The following FXYD7 variants were observed in gnomAD, a reference collection of about 807,000 sequenced individuals.
FXYD7 encodes the protein FXYD domain containing ion transport regulator 7.
FXYD7 carries 7 observed loss-of-function variants against 15.3 expected under a neutral mutation model. The ratio of observed to expected loss-of-function variants is 0.46; its 90% confidence interval spans 0.26 to 0.86. The LOEUF is 0.86. FXYD7 is among the 40% of genes least tolerant of loss of function. The pLI is 0.16. For missense variants in FXYD7, 78 were observed against 100.6 expected (o/e 0.78, Z 0.96); for synonymous variants, 39 against 39.3 (o/e 0.99, Z 0.03).
At chr19:35,151,525 G>A in intron 4 of FXYD7, 43 bp downstream of exon 4, 1 of 1,603,306 alleles carries the variant, frequency 6.2e-7, no homozygotes, top group Non-Finnish European at 8.5e-7. Flanking sequence ...GCCTCGGGGT[G>A]CCTCCCTAGC....
intron 5 of FXYD7, among the ~76,000 whole-genome samples, chr19:35,152,807 G>T (rs2065316772): frequency 6.6e-6 from 1 of 151,808 alleles, no homozygotes; most frequent in Admixed American, 6.6e-5. Flanking sequence ...ACGAAAGACT[G>T]ATCTCTTTGA....
chr19:35,147,269 T>G (rs1193891515), intron 1 of FXYD7, among the ~76,000 whole-genome samples: 2 of 152,156 alleles, frequency 1.3e-5, no homozygotes, highest in Non-Finnish European at 2.9e-5. Context: ...CAGGGAGCCA[T>G]CCATCTGAGC....
chr19:35,152,134 C>CAAAAAAAAAAAG (rs1484233774), intron 5 of FXYD7, among the ~76,000 whole-genome samples: 1 of 45,138 alleles, frequency 2.2e-5, no homozygotes, highest in African/African-American at 8.7e-5. Flanking sequence ...GTGAGACTGT[C>CAAAAAAAAAAAG]AAAAAAAAAA....
intron 2 of FXYD7, among the ~76,000 whole-genome samples, chr19:35,149,927 T>TC (rs2065303653): frequency 6.6e-6 from 1 of 152,132 alleles, no homozygotes; most frequent in Non-Finnish European, 1.5e-5. Context: ...GATTTTTTTT[T>TC]CTTTTTTTAG....
In FXYD7 at chr19:35,153,035, T is replaced by TTG. The variant is rs1284253076; in HGVS notation, c.221-858_221-857insGT. ...GGTGTGGAATTTGTTTCACGTTCCT[T>TTG]TTTTTTTTTTTTTTTTTTTTTTTTT... On this transcript the variant is annotated intron_variant, in intron 5 of 5. Coordinates refer to ENST00000270310, the MANE Select transcript of FXYD7 (RefSeq NM_022006.2). Among the ~76,000 whole-genome samples the TTG allele has an allele frequency of 8.7e-4, 77 of 88,042 alleles. 13 individuals are homozygous for TTG. The highest frequency in any genetic ancestry group is 4.6e-3 in the African/African-American group (68 of 14,636). The allele number at this position is 88,042 out of a possible 152,430, so 57.8% of individuals were successfully genotyped here.
intron 5 of FXYD7, among the ~76,000 whole-genome samples, chr19:35,153,417 G>A (rs1030872166): frequency 1.3e-5 from 2 of 152,150 alleles, no homozygotes; most frequent in Non-Finnish European, 2.9e-5. Context: ...TGGATGCGTG[G>A]GGCAGCATGG....
At chr19:35,144,094 G>A (rs375722932) in intron 1 of FXYD7, among the ~76,000 whole-genome samples, 4 of 152,168 alleles carry the variant, frequency 2.6e-5, no homozygotes, top group African/African-American at 9.6e-5. Flanking sequence ...GTGGGATTGA[G>A]ACCGCTATGG....
Position 35,151,734 on chromosome 19 carries a change from T to G in FXYD7, c.220+61T>G, listed in dbSNP as rs2065311018. Reference sequence around the variant, plus strand: ...TTAGGTGGGGCAGGGAAGGGAACCCTCAGAAGGGAAGTCGCGGGGATGGAC... The same window carrying G: ...TTAGGTGGGGCAGGGAAGGGAACCCGCAGAAGGGAAGTCGCGGGGATGGAC... On this transcript the variant is annotated intron_variant, in intron 5 of 5. Coordinates refer to ENST00000270310, the MANE Select transcript of FXYD7 (RefSeq NM_022006.2). 8.4e-6 allele frequency: 8 copies of G among 947,062 alleles called. No homozygotes were observed. The South Asian group carries it at 8.9e-5, about 11-fold the overall frequency. The allele number at this position is 947,062 out of a possible 1,614,324, so 58.7% of individuals were successfully genotyped here.
At position 35,153,033 on chromosome 19, in the gene FXYD7, C is replaced by CTTTT. The variant is rs954084904; in HGVS notation, c.221-835_221-832dup. 3.1e-3 allele frequency among the ~76,000 whole-genome samples: 135 copies of CTTTT among 44,140 alleles called. 21 individuals carry two copies. The highest frequency in any genetic ancestry group is 7.0e-3 in the African/African-American group (67 of 9,634). 29.0% of individuals were successfully genotyped at this position (44,140 alleles called of 152,430 possible). On this transcript the variant is annotated intron_variant, in intron 5 of 5. Transcript: ENST00000270310. Reference sequence around the variant, plus strand: ...TTGGTGTGGAATTTGTTTCACGTTCCTTTTTTTTTTTTTTTTTTTTTTTTT... The same window carrying CTTTT: ...TTGGTGTGGAATTTGTTTCACGTTCCTTTTTTTTTTTTTTTTTTTTTTTTTTTTT...
Position 35,143,405 on chromosome 19 carries a change from G to A in FXYD7, c.31+41G>A. On this transcript the variant is annotated intron_variant, in intron 1 of 5. Coordinates refer to ENST00000270310, the MANE Select transcript of FXYD7 (RefSeq NM_022006.2). The surrounding 1 kb of genome is among the most constrained non-coding windows in gnomAD (Gnocchi z 4.3). The stretch of plus-strand genomic sequence containing the variant: ...GGAGGGGGTTGCAGGGGGGCTCCGG[G>A]ATCTGAGAGCCTAGGAGAGAGGGTG... 1.4e-6 allele frequency: 2 copies of A among 1,442,144 alleles called. No homozygotes were observed. The highest frequency in any genetic ancestry group is 1.9e-6 in the Non-Finnish European group (2 of 1,079,310). 89.3% of individuals were successfully genotyped at this position (1,442,144 alleles called of 1,614,324 possible). A position where few individuals can be genotyped will look rare whatever the true frequency, so the allele number is the denominator to read the frequency against.
chr19:35,149,782 T>G (rs2065303066), intron 2 of FXYD7: 1 of 152,168 alleles, frequency 6.6e-6, no homozygotes, highest in East Asian at 1.9e-4. Context: ...AAACAAAATA[T>G]GAAAATTATA....
At chr19:35,147,425 A>T (rs1225433335) in intron 1 of FXYD7, among the ~76,000 whole-genome samples, 1 of 152,182 alleles carries the variant, frequency 6.6e-6, no homozygotes, top group Non-Finnish European at 1.5e-5. Context: ...TTCGAGAACC[A>T]TCAGGATGAA....
At position 35,143,297 on chromosome 19, in the gene FXYD7, C is replaced by A; in HGVS notation, c.-37C>A. ...TCCAGCTGCTGCAGCGCGCCTTCGCCGCCAAAGCATCCAGCAGCCCCCTGC... is the reference window on the plus strand; with the variant it reads ...TCCAGCTGCTGCAGCGCGCCTTCGCAGCCAAAGCATCCAGCAGCCCCCTGC... On this transcript the variant is annotated 5_prime_UTR_variant, in exon 1 of 6. Transcript: ENST00000270310. This position sits in a 1 kb window ranked among gnomAD's most constrained non-coding sequence, Gnocchi z 4.3. 1.3e-6 allele frequency: 2 copies of A among 1,533,302 alleles called. No individual in the cohort carries two copies. The highest frequency in any genetic ancestry group is 1.8e-6 in the Non-Finnish European group (2 of 1,137,950). The allele number at this position is 1,533,302 out of a possible 1,614,324, so 95.0% of individuals were successfully genotyped here. A position where few individuals can be genotyped will look rare whatever the true frequency, so the allele number is the denominator to read the frequency against.
chr19:35,143,729 T>C lies in FXYD7; in HGVS notation c.31+365T>C, dbSNP rs920661311. On this transcript the variant is annotated intron_variant, in intron 1 of 5. Coordinates refer to ENST00000270310, the MANE Select transcript of FXYD7 (RefSeq NM_022006.2). This position sits in a 1 kb window ranked among gnomAD's most constrained non-coding sequence, Gnocchi z 4.3. ...GGTGGGTCTGCGACCAGAGACGTTC[T>C]GGAAGATTTCAGGGTCCCTGGGGTG... 7.2e-5 allele frequency among the ~76,000 whole-genome samples: 11 copies of C among 152,144 alleles called. No individual in the cohort carries two copies. The highest frequency in any genetic ancestry group is 1.5e-4 in the Non-Finnish European group (10 of 68,022).
chr19:35,151,772 G>T, intron 5 of FXYD7, 99 bp downstream of exon 5: 2 of 778,440 alleles, frequency 2.6e-6, no homozygotes, highest in Non-Finnish European at 4.7e-6. Flanking sequence ...GACGCAGGGG[G>T]CGGAGGGGGG....
intron 2 of FXYD7, chr19:35,149,044 C>T (rs945378746): frequency 3.8e-6 from 2 of 526,806 alleles, no homozygotes; most frequent in African/African-American, 3.8e-5. Context: ...GATTTGAATC[C>T]TGCCTTATCC....
intron 2 of FXYD7, among the ~76,000 whole-genome samples, chr19:35,150,671 A>G (rs963651770): frequency 1.3e-5 from 2 of 152,158 alleles, no homozygotes; most frequent in African/African-American, 4.8e-5. Flanking sequence ...CCCCAGGAAC[A>G]GTGGGGAGGC....
At chr19:35,149,090 G>T (rs561319248) in intron 2 of FXYD7, 96 of 477,108 alleles carry the variant, frequency 2.0e-4, no homozygotes, top group African/African-American at 1.9e-3. Flanking sequence ...AAGCAACTTT[G>T]CCTCTCTGGG....
At chr19:35,152,134 C>CAAAAAAAAAAAAAAAAAAAAAAAAA (rs71167517) in intron 5 of FXYD7, among the ~76,000 whole-genome samples, 2 of 45,136 alleles carry the variant, frequency 4.4e-5, no homozygotes, top group Non-Finnish European at 3.9e-5. Flanking sequence ...GTGAGACTGT[C>CAAAAAAAAAAAAAAAAAAAAAAAAA]AAAAAAAAAA....
Sources: allele counts gnomAD v4.1 joint callset (sites outside exome capture counted in the v4.1 genomes callset), GRCh38; gene constraint gnomAD v4.1.1; non-coding constraint Gnocchi (gnomAD v3.1); transcripts MANE v1.5; gene names NCBI Gene and HGNC (gene_info 2026-07-23, HGNC 2026-07-21).